Variants in AKT2 observed in about 807,000 individuals in gnomAD.
AKT2 encodes the protein RAC-beta serine/threonine-protein kinase.
In AKT2, 16 loss-of-function variants were observed where a neutral mutation model predicts 58.6. The observed-to-expected ratio is 0.27, with a 90% CI of 0.18 to 0.41. The LOEUF (loss-of-function observed/expected upper bound fraction) is 0.41. Ranked by LOEUF, AKT2 falls within the 10% of genes least tolerant of loss-of-function variation. The pLI, the probability that AKT2 is intolerant of heterozygous loss-of-function variation, is 1.00. For synonymous variants in AKT2, 253 were observed against 254.0 expected, an observed-to-expected ratio of 1.00 and a Z score of 0.04; for missense variants, 438 against 661.0, an observed-to-expected ratio of 0.66 and a Z score of 3.70.
At position 40,275,567 on chromosome 19, in the gene AKT2, C is replaced by T. The variant is rs186175914; in HGVS notation, c.-85+9614G>A. 90 of 347,428 alleles carry T rather than the reference C, an allele frequency of 2.6e-4. 1 individual carries two copies. The highest frequency in any genetic ancestry group is 5.3e-4 in the Middle Eastern group (1 of 1,878). 21.5% of individuals were successfully genotyped at this position (347,428 alleles called of 1,614,324 possible). The stretch of plus-strand genomic sequence containing the variant: ...ACAGCGAGTAGGTGCAGGAGAGGGA[C>T]CGCAACCAGAGCAGAACTAGCCCAC... On this transcript the variant is annotated intron_variant, in intron 1 of 13. Transcript: ENST00000392038.
Position 40,235,456 on chromosome 19 carries a change from G to C in AKT2, c.1176-106C>G. 1 of 1,009,646 alleles carries C rather than the reference G, an allele frequency of 9.9e-7. No homozygotes were observed. Among genetic ancestry groups the C allele is most frequent in the Non-Finnish European group, 1.5e-6 (1 of 655,182 alleles). The allele number at this position is 1,009,646 out of a possible 1,614,324, so 62.5% of individuals were successfully genotyped here. ...GTATGGCCCTTAATGATTCTGTCTT[G>C]ACCACAAACCACTTCACAGAGGAGG... On this transcript the variant is annotated intron_variant, in intron 11 of 13. Coordinates refer to ENST00000392038, the MANE Select transcript of AKT2 (RefSeq NM_001626.6). This position sits in a 1 kb window ranked among gnomAD's most constrained non-coding sequence, Gnocchi z 6.3.
Position 40,230,525 on chromosome 19 carries a change from G to A in AKT2, c.*3347C>T, listed in dbSNP as rs1973651028. Reference sequence around the variant, plus strand: ...TCCACACAACCATCAGTGCACGAGGGCAGCCCCCAGAGGCTTCACATTAAC... The same window carrying A: ...TCCACACAACCATCAGTGCACGAGGACAGCCCCCAGAGGCTTCACATTAAC... On this transcript the variant is annotated 3_prime_UTR_variant, in exon 14 of 14. Transcript: ENST00000392038. 4.4e-6 allele frequency: 1 copy of A among 227,276 alleles called. No individual in the cohort carries two copies. Among genetic ancestry groups the A allele is most frequent in the African/African-American group, 2.2e-5 (1 of 45,074 alleles). The allele number at this position is 227,276 out of a possible 1,614,324, so 14.1% of individuals were successfully genotyped here.
rs758179603 is a variant in AKT2, at chr19:40,232,425, C to G, written c.*1447G>C. 1 of 233,804 alleles carries G rather than the reference C, an allele frequency of 4.3e-6. No individual in the cohort carries two copies. The highest frequency in any genetic ancestry group is 2.2e-5 in the African/African-American group (1 of 45,300). The allele number at this position is 233,804 out of a possible 1,614,324, so 14.5% of individuals were successfully genotyped here. A position where few individuals can be genotyped will look rare whatever the true frequency, so the allele number is the denominator to read the frequency against. On this transcript the variant is annotated 3_prime_UTR_variant, in exon 14 of 14. Coordinates refer to ENST00000392038, the MANE Select transcript of AKT2 (RefSeq NM_001626.6). The stretch of plus-strand genomic sequence containing the variant: ...ACGGAGAACTGTCAGATAACAACAT[C>G]GCACACAGAGGAAAAAGACCCTCAC...
rs574534143 is a variant in AKT2 at position 40,251,040 on chromosome 19, A to C, written c.287+4118T>G. ...CAACATAGCAAGACTCTGTCTCCAC[A>C]AAAAAATTTAAAAATTCGCCAGGCA... On this transcript the variant is annotated intron_variant, in intron 4 of 13. Transcript: ENST00000392038. Among the ~76,000 whole-genome samples, 735 of 152,066 alleles carry C rather than the reference A, an allele frequency of 4.8e-3. 16 individuals are homozygous for C. The highest frequency in any genetic ancestry group is 2.7e-3 in the Non-Finnish European group (185 of 67,986).
chr19:40,283,795 G>A (rs1212609760), intron 1 of AKT2, among the ~76,000 whole-genome samples: 1 of 152,178 alleles, frequency 6.6e-6, no homozygotes, highest in African/African-American at 2.4e-5. Context: ...GGCTGGGCCA[G>A]GGGCACCCCC....
chr19:40,275,849 C>A (rs1231196808), intron 1 of AKT2, among the ~76,000 whole-genome samples: 1 of 141,286 alleles, frequency 7.1e-6, no homozygotes, highest in African/African-American at 2.6e-5. Context: ...CCTGTCTCTA[C>A]TAAAAATACA....
chr19:40,260,193 C>A (rs1421744525), intron 2 of AKT2, among the ~76,000 whole-genome samples: 1 of 151,742 alleles, frequency 6.6e-6, no homozygotes, highest in Admixed American at 6.6e-5. Context: ...TCCACACACA[C>A]AATGAGGTAC....
At chr19:40,253,463 C>CAGAT (rs199673581) in intron 4 of AKT2, among the ~76,000 whole-genome samples, 3 of 151,762 alleles carry the variant, frequency 2.0e-5, no homozygotes, top group African/African-American at 4.8e-5. Flanking sequence ...GAAAAATAGA[C>CAGAT]AATATAGACA....
In AKT2 at chr19:40,234,995, C is replaced by G; in HGVS notation, c.1366+50G>C. 1 of 1,503,038 alleles carries G rather than the reference C, an allele frequency of 6.7e-7. No individual in the cohort carries two copies. The highest frequency in any genetic ancestry group is 1.1e-5 in the South Asian group (1 of 88,728). 93.1% of individuals were successfully genotyped at this position (1,503,038 alleles called of 1,614,324 possible). A position where few individuals can be genotyped will look rare whatever the true frequency, so the allele number is the denominator to read the frequency against. On this transcript the variant is annotated intron_variant, in intron 13 of 13. Coordinates refer to ENST00000392038, the MANE Select transcript of AKT2 (RefSeq NM_001626.6). The surrounding 1 kb of genome is among the most constrained non-coding windows in gnomAD (Gnocchi z 4.7). ...GAAGTGAGTTAAGAGCAGATCCCATCCCTCCACCCCTGGGGCAGGCACACC... is the reference window on the plus strand; with the variant it reads ...GAAGTGAGTTAAGAGCAGATCCCATGCCTCCACCCCTGGGGCAGGCACACC...
At chr19:40,248,667 G>A (rs1974915785) in intron 4 of AKT2, among the ~76,000 whole-genome samples, 1 of 152,280 alleles carries the variant, frequency 6.6e-6, no homozygotes, top group Admixed American at 6.5e-5. Context: ...AAGCTGGGGT[G>A]TCTGTGAAAG....
chr19:40,240,210 C>T (rs1374666643), intron 6 of AKT2, 100 bp from the exon 7 acceptor site: 3 of 1,233,434 alleles, frequency 2.4e-6, no homozygotes, highest in Admixed American at 1.7e-5. Flanking sequence ...CAATTCCATT[C>T]CCAGCCATAA....
At chr19:40,267,351 G>A (rs962091674) in intron 1 of AKT2, among the ~76,000 whole-genome samples, 4 of 152,126 alleles carry the variant, frequency 2.6e-5, no homozygotes, top group Non-Finnish European at 4.4e-5. Flanking sequence ...GGACCATGAC[G>A]TTGACTATTG....
chr19:40,275,408 G>C (rs1045996164), intron 1 of AKT2: 16 of 429,526 alleles, frequency 3.7e-5, no homozygotes, highest in Admixed American at 2.9e-4. Context: ...TCTGCATCAA[G>C]GCTAATACTC....
At position 40,235,905 on chromosome 19, in the gene AKT2, T is replaced by C; in HGVS notation, c.1160A>G (p.Lys387Arg). Residue 387 changes from lysine to arginine, a missense_variant, in exon 11 of 14, where the codon AAG becomes AGG. By Grantham distance (26) the Lys-to-Arg change is conservative (BLOSUM62 2). Transcript: ENST00000392038. This position sits in a 1 kb window ranked among gnomAD's most constrained non-coding sequence, Gnocchi z 6.3. Reference sequence around the variant, plus strand: ...CAGCCCTCACCTCTGCTTGGGGTCCTTCTTAAGCAGCCCAGCAAGCAGGGA... The same window carrying C: ...CAGCCCTCACCTCTGCTTGGGGTCCCTCTTAAGCAGCCCAGCAAGCAGGGA... ...AKSLLAGLLKKDPKQRLGGGP... is the reference protein window; with the variant it reads ...AKSLLAGLLKRDPKQRLGGGP... 1 of 1,611,840 alleles carries C rather than the reference T, an allele frequency of 6.2e-7. No individual in the cohort carries two copies. The highest frequency in any genetic ancestry group is 8.5e-7 in the Non-Finnish European group (1 of 1,179,790).
rs150139915 is a variant in AKT2, at chr19:40,268,247, C to T, written c.-84-2896G>A. Among the ~76,000 whole-genome samples, 558 of 152,352 alleles carry T rather than the reference C, an allele frequency of 3.7e-3. 10 individuals are homozygous for T. The highest frequency in any genetic ancestry group is 9.9e-3 in the African/African-American group (411 of 41,580). On this transcript the variant is annotated intron_variant, in intron 1 of 13. Coordinates refer to ENST00000392038, the MANE Select transcript of AKT2 (RefSeq NM_001626.6). The stretch of plus-strand genomic sequence containing the variant: ...GGGCTCCATGTCTCATCTCCCCTCT[C>T]GCTGGCCCACAGCGGCCCAGGGACA...
In AKT2 at chr19:40,235,159, A is replaced by T; in HGVS notation, c.1264-12T>A. The stretch of plus-strand genomic sequence containing the variant: ...AAGGGTGGCAGGAGCTACGGAGGAG[A>T]GGAGCTCAGGCTCAGGGACCCTGAG... On this transcript the variant is annotated splice_polypyrimidine_tract_variant and intron_variant, in intron 12 of 13. Coordinates refer to ENST00000392038, the MANE Select transcript of AKT2 (RefSeq NM_001626.6). This position sits in a 1 kb window ranked among gnomAD's most constrained non-coding sequence, Gnocchi z 6.3. The T allele has an allele frequency of 1.9e-6, 3 of 1,613,890 alleles. No individual in the cohort carries two copies. The highest frequency in any genetic ancestry group is 2.5e-6 in the Non-Finnish European group (3 of 1,179,856).
At position 40,278,873 on chromosome 19, in the gene AKT2, C is replaced by A. The variant is rs370393497; in HGVS notation, c.-85+6308G>T. On this transcript the variant is annotated intron_variant, in intron 1 of 13. Transcript: ENST00000392038. ...AGGGAGAAGAAATAAGGCCCCAGAG[C>A]TCCACAGCCACCGAGAGGGGTGCCA... Among the ~76,000 whole-genome samples the A allele has an allele frequency of 3.3e-5, 5 of 150,968 alleles. No homozygotes were observed. In the East Asian group the frequency reaches 7.8e-4, roughly 24 times the overall value.
In AKT2 at chr19:40,238,748, C is replaced by A. The variant is rs1272071478; in HGVS notation, c.708+157G>T. 2.6e-5 allele frequency among the ~76,000 whole-genome samples: 4 copies of A among 152,158 alleles called. No homozygotes were observed. The highest frequency in any genetic ancestry group is 2.9e-5 in the Non-Finnish European group (2 of 68,014). ...CTCTGAGCCTCAGTGACTGCCCCCC[C>A]AAAATGGAGACGAAGCCGCCTGCCT... On this transcript the variant is annotated intron_variant, in intron 8 of 13. Coordinates refer to ENST00000392038, the MANE Select transcript of AKT2 (RefSeq NM_001626.6). This position sits in a 1 kb window ranked among gnomAD's most constrained non-coding sequence, Gnocchi z 5.1.
chr19:40,242,781 G>T lies in AKT2; in HGVS notation c.288-94C>A. On this transcript the variant is annotated intron_variant, in intron 4 of 13. Coordinates refer to ENST00000392038, the MANE Select transcript of AKT2 (RefSeq NM_001626.6). The surrounding 1 kb of genome is among the most constrained non-coding windows in gnomAD (Gnocchi z 4.3). ...CACCTCCCAGCCACCCCCAGCAACA[G>T]GCAAGCAAATGACCACATAACCATG... 1 of 1,408,066 alleles carries T rather than the reference G, an allele frequency of 7.1e-7. No homozygotes were observed. The highest frequency in any genetic ancestry group is 9.8e-7 in the Non-Finnish European group (1 of 1,021,330). The allele number at this position is 1,408,066 out of a possible 1,614,324, so 87.2% of individuals were successfully genotyped here. A position where few individuals can be genotyped will look rare whatever the true frequency, so the allele number is the denominator to read the frequency against.
Sources: gnomAD v4.1 joint callset for allele counts (sites outside exome capture counted in the v4.1 genomes callset) on GRCh38, gnomAD v4.1.1 for gene constraint, Gnocchi (gnomAD v3.1) non-coding constraint, MANE v1.5 for transcripts, NCBI Gene and HGNC (gene_info 2026-07-23, HGNC 2026-07-21) for gene names.